GCH1: variants seen among roughly 807,000 people sequenced by gnomAD.
The protein encoded by GCH1 is GTP cyclohydrolase I.
GCH1 carries 5 observed loss-of-function variants against 25.9 expected under a neutral mutation model. That is an observed-to-expected ratio of 0.19 (90% CI 0.10 to 0.41). The LOEUF is 0.41. GCH1 is among the 10% of genes least tolerant of loss of function. The pLI, the probability that GCH1 is intolerant of heterozygous loss-of-function variation, is 1.00. For missense variants in GCH1, 261 were observed against 336.5 expected (o/e 0.78, Z 1.75); for synonymous variants, 159 against 129.6 (o/e 1.23, Z -1.54).
chr14:54,843,650 C>G lies in GCH1; in HGVS notation c.*367G>C. 1 of 1,555,472 alleles carries G rather than the reference C, an allele frequency of 6.4e-7. No individual in the cohort carries two copies. The highest frequency in any genetic ancestry group is 8.6e-7 in the Non-Finnish European group (1 of 1,156,388). ...AAGAAAAAAAACAGTATACTGGGCA[C>G]AGTTCCCTCTCATTCCCAATGCTCC... On this transcript the variant is annotated 3_prime_UTR_variant, in exon 6 of 6. Transcript: ENST00000491895.
chr14:54,865,735 G>A (rs952777570), intron 1 of GCH1, among the ~76,000 whole-genome samples: 1 of 152,144 alleles, frequency 6.6e-6, no homozygotes, highest in Non-Finnish European at 1.5e-5. Context: ...AAATAAAACA[G>A]TGGCTATTTC....
At chr14:54,880,450 T>C (rs2040231822) in intron 1 of GCH1, among the ~76,000 whole-genome samples, 1 of 120,078 alleles carries the variant, frequency 8.3e-6, no homozygotes. Context: ...ATATACTCCA[T>C]ATAAATATAT....
At position 54,880,843 on chromosome 14, in the gene GCH1, TACTCC is replaced by T. The variant is rs1256071036; in HGVS notation, c.344-15412_344-15408del. Among the ~76,000 whole-genome samples the T allele has an allele frequency of 6.2e-5, 6 of 96,436 alleles. 1 individual carries two copies. Among genetic ancestry groups the T allele is most frequent in the African/African-American group, 3.8e-4 (6 of 15,682 alleles). The allele number at this position is 96,436 out of a possible 152,430, so 63.3% of individuals were successfully genotyped here. A position where few individuals can be genotyped will look rare whatever the true frequency, so the allele number is the denominator to read the frequency against. Reference sequence around the variant, plus strand: ...TATATATATACTCCATATATATATATACTCCATATATATATACTCCATAATATATG... The same window carrying T: ...TATATATATACTCCATATATATATATATATATATATACTCCATAATATATG... On this transcript the variant is annotated intron_variant, in intron 1 of 5. Transcript: ENST00000491895.
chr14:54,884,203 A>G (rs763355068), intron 1 of GCH1, among the ~76,000 whole-genome samples: 4 of 152,194 alleles, frequency 2.6e-5, no homozygotes, highest in Non-Finnish European at 5.9e-5. Flanking sequence ...AAATTGTAAA[A>G]CTGATAGTTC....
chr14:54,845,038 T>C (rs2039619368), intron 5 of GCH1, among the ~76,000 whole-genome samples: 1 of 151,930 alleles, frequency 6.6e-6, no homozygotes, highest in African/African-American at 2.4e-5. Context: ...CTGGGTGTGG[T>C]GGCGGGCACC....
At chr14:54,859,870 C>G in intron 2 of GCH1, 134 bp from the exon 3 acceptor site, 1 of 688,902 alleles carries the variant, frequency 1.5e-6, no homozygotes, top group Non-Finnish European at 2.7e-6. Context: ...TTGAAAACAT[C>G]TGGAACTGTT....
chr14:54,902,684 C>A lies in GCH1; in HGVS notation c.-21G>T. The A allele has an allele frequency of 2.1e-6, 3 of 1,435,394 alleles. No individual in the cohort carries two copies. Among genetic ancestry groups the A allele is most frequent in the Non-Finnish European group, 2.7e-6 (3 of 1,101,024 alleles). The allele number at this position is 1,435,394 out of a possible 1,614,324, so 88.9% of individuals were successfully genotyped here. On this transcript the variant is annotated 5_prime_UTR_variant, in exon 1 of 6. Transcript: ENST00000491895. ...TCCATGGACCCGCCGCAGCCGCTGC[C>A]GTTCGGGAAGGACCCCGGGGCGCTT...
In GCH1 at chr14:54,843,466, C is replaced by T. The variant is rs1422373717; in HGVS notation, c.*551G>A. 1.2e-5 allele frequency: 15 copies of T among 1,239,882 alleles called. No individual in the cohort carries two copies. The highest frequency in any genetic ancestry group is 1.5e-5 in the Non-Finnish European group (15 of 989,776). 76.8% of individuals were successfully genotyped at this position (1,239,882 alleles called of 1,614,324 possible). On this transcript the variant is annotated 3_prime_UTR_variant, in exon 6 of 6. Transcript: ENST00000491895. ...AAAACATAGACATTCCACCACCTTC[C>T]CTTGGTGACTAACATTACGACTGCT...
chr14:54,889,185 G>A (rs1465121733), intron 1 of GCH1, among the ~76,000 whole-genome samples: 6 of 152,118 alleles, frequency 3.9e-5, no homozygotes, highest in Non-Finnish European at 8.8e-5. Context: ...TGTGATAAAC[G>A]ATAAATGGTG....
chr14:54,900,370 C>T (rs1362960206), intron 1 of GCH1, among the ~76,000 whole-genome samples: 1 of 151,506 alleles, frequency 6.6e-6, no homozygotes, highest in East Asian at 1.9e-4. Context: ...CCATCACACC[C>T]GGCTAATTTT....
Position 54,843,996 on chromosome 14 carries a change from C to T in GCH1, c.*21G>A, listed in dbSNP as rs746660567. On this transcript the variant is annotated 3_prime_UTR_variant, in exon 6 of 6. Transcript: ENST00000491895. The stretch of plus-strand genomic sequence containing the variant: ...TACTGGCAGTACGATCGGCAACCAA[C>T]GCACACACACTGAATGAAGCTCAGC... 6.7e-5 allele frequency: 108 copies of T among 1,614,158 alleles called. No homozygotes were observed. Among genetic ancestry groups the T allele is most frequent in the South Asian group, 1.1e-4 (10 of 91,092 alleles).
intron 3 of GCH1, among the ~76,000 whole-genome samples, chr14:54,853,104 C>T (rs925999051): frequency 6.6e-6 from 1 of 152,162 alleles, no homozygotes; most frequent in Admixed American, 6.5e-5. Context: ...GCTGGGACTA[C>T]AGGCGTGTGC....
At chr14:54,897,745 T>C (rs971040996) in intron 1 of GCH1, among the ~76,000 whole-genome samples, 2 of 152,208 alleles carry the variant, frequency 1.3e-5, no homozygotes, top group African/African-American at 2.4e-5. Context: ...ACTACTTGTG[T>C]CAACCTCTCT....
chr14:54,901,912 G>T (rs1183455448), intron 1 of GCH1, among the ~76,000 whole-genome samples: 1 of 152,172 alleles, frequency 6.6e-6, no homozygotes, highest in African/African-American at 2.4e-5. Context: ...AACTACCCAG[G>T]AAGCCGTCGC....
chr14:54,855,243 C>G (rs1304655831), intron 3 of GCH1, among the ~76,000 whole-genome samples: 1 of 152,074 alleles, frequency 6.6e-6, no homozygotes, highest in Non-Finnish European at 1.5e-5. Flanking sequence ...CGGTGGCTCA[C>G]TCCCGTAATC....
At chr14:54,883,799 G>A (rs951616067) in intron 1 of GCH1, among the ~76,000 whole-genome samples, 2 of 152,174 alleles carry the variant, frequency 1.3e-5, no homozygotes, top group African/African-American at 2.4e-5. Flanking sequence ...CAGTCACCAC[G>A]TCATTCCTGT....
chr14:54,855,406 T>C (rs1189322824), intron 3 of GCH1, among the ~76,000 whole-genome samples: 1 of 148,618 alleles, frequency 6.7e-6, no homozygotes, highest in Non-Finnish European at 1.5e-5. Context: ...CTCAGGAGGC[T>C]GAGGCAGGAG....
intron 5 of GCH1, among the ~76,000 whole-genome samples, chr14:54,845,183 A>T (rs532606747): frequency 1.6e-4 from 24 of 151,662 alleles, no homozygotes; most frequent in Admixed American, 5.9e-4. Context: ...GAGCATTTTT[A>T]AAAAATGGCG....
intron 1 of GCH1, among the ~76,000 whole-genome samples, chr14:54,897,918 A>T (rs2040510687): frequency 6.6e-6 from 1 of 152,260 alleles, no homozygotes; most frequent in Non-Finnish European, 1.5e-5. Context: ...ATGCAGTTTC[A>T]TATCGCAAAC....
Sources: allele counts gnomAD v4.1 joint callset (sites outside exome capture counted in the v4.1 genomes callset), GRCh38; gene constraint gnomAD v4.1.1; transcripts MANE v1.5; gene names NCBI Gene and HGNC (gene_info 2026-07-23, HGNC 2026-07-21).